The following PPFIA1 variants were observed in gnomAD, a reference collection of about 807,000 sequenced individuals.
PPFIA1 encodes the protein PPFI scaffold protein A1, also known as liprin-alpha-1.
Under a neutral mutation model 149.9 loss-of-function variants are expected in PPFIA1, and 25 were observed. That is an observed-to-expected ratio of 0.17 (90% CI 0.12 to 0.23). The LOEUF (loss-of-function observed/expected upper bound fraction) is 0.23. Among genes scored for constraint, PPFIA1 ranks in the 10% least tolerant of loss-of-function variants. The pLI is 1.00. For missense variants in PPFIA1, 1,362 were observed against 1,506.5 expected, an observed-to-expected ratio of 0.90 and a Z score of 1.59; for synonymous variants, 549 against 552.8, an observed-to-expected ratio of 0.99 and a Z score of 0.10.
intron 17 of PPFIA1, 102 bp from the exon 18 acceptor site, chr11:70,355,537 G>A (rs2056315192): frequency 2.7e-6 from 3 of 1,123,536 alleles, no homozygotes; most frequent in South Asian, 1.6e-5. Flanking sequence ...AGGAAGATGT[G>A]TGTGAAAGAG....
At chr11:70,278,474 A>G (rs780479482) in intron 2 of PPFIA1, among the ~76,000 whole-genome samples, 1 of 151,994 alleles carries the variant, frequency 6.6e-6, no homozygotes, top group East Asian at 1.9e-4. Flanking sequence ...TTTTGGTGTT[A>G]TTGTTGTCCC....
Position 70,374,509 on chromosome 11 carries a change from ATAT to A in PPFIA1, c.3140-402_3140-400del, listed in dbSNP as rs527682573. 3.5e-3 allele frequency: 555 copies of A among 160,064 alleles called. 2 individuals carry two copies. Among genetic ancestry groups the A allele is most frequent in the Non-Finnish European group, 5.8e-3 (423 of 73,464 alleles). The allele number at this position is 160,064 out of a possible 1,614,324, so 9.9% of individuals were successfully genotyped here. ...TTCTGTTGAATTGAGCAAAGTGTTCATATTATTATGGAGCCAGCTCCATCCGTG... is the reference window on the plus strand; with the variant it reads ...TTCTGTTGAATTGAGCAAAGTGTTCATATTATGGAGCCAGCTCCATCCGTG... On this transcript the variant is annotated intron_variant, in intron 23 of 27. Transcript: ENST00000253925.
intron 15 of PPFIA1, among the ~76,000 whole-genome samples, chr11:70,346,343 G>A (rs1227908885): frequency 6.6e-6 from 1 of 152,142 alleles, no homozygotes; most frequent in Non-Finnish European, 1.5e-5. Flanking sequence ...TTACGTGGGT[G>A]GAGGTGCCAG....
At chr11:70,326,572 A>T (rs767078891) in intron 6 of PPFIA1, 25 bp from the exon 7 acceptor site, 48 of 1,561,066 alleles carry the variant, frequency 3.1e-5, no homozygotes, top group Non-Finnish European at 3.8e-5. Flanking sequence ...AAGGGTATTT[A>T]AGGATTTTTT....
intron 2 of PPFIA1, among the ~76,000 whole-genome samples, chr11:70,319,357 A>G (rs1329277251): frequency 6.6e-6 from 1 of 152,196 alleles, no homozygotes; most frequent in Admixed American, 6.5e-5. Flanking sequence ...ACCTTCTCAC[A>G]GGCTGTTCTG....
intron 16 of PPFIA1, among the ~76,000 whole-genome samples, chr11:70,352,320 G>C (rs1201540887): frequency 6.6e-6 from 1 of 152,196 alleles, no homozygotes; most frequent in African/African-American, 2.4e-5. Context: ...GGCTGTCTGT[G>C]GTGAGATAAG....
chr11:70,340,662 A>G (rs1191797030), intron 14 of PPFIA1, among the ~76,000 whole-genome samples: 1 of 152,110 alleles, frequency 6.6e-6, no homozygotes, highest in African/African-American at 2.4e-5. Context: ...ATAAAACAGG[A>G]AGAATGCCTG....
At chr11:70,349,899 C>T (rs1461189507) in intron 16 of PPFIA1, 1 of 455,552 alleles carries the variant, frequency 2.2e-6, no homozygotes. Context: ...GATTTCCTGT[C>T]ATCCTTTTGT....
chr11:70,277,793 A>G (rs1015195112), intron 2 of PPFIA1, among the ~76,000 whole-genome samples: 2 of 150,870 alleles, frequency 1.3e-5, no homozygotes, highest in African/African-American at 4.9e-5. Flanking sequence ...CCCAGCCTAT[A>G]TTTCTTTTCC....
chr11:70,324,321 G>C, intron 2 of PPFIA1, 81 bp from the exon 3 acceptor site: 1 of 1,057,442 alleles, frequency 9.5e-7, no homozygotes. Flanking sequence ...TTGCCTTTGT[G>C]TGAAGACTGT....
At chr11:70,351,442 G>A (rs1376614589) in intron 16 of PPFIA1, among the ~76,000 whole-genome samples, 12 of 152,192 alleles carry the variant, frequency 7.9e-5, no homozygotes, top group Admixed American at 7.9e-4. Context: ...TCTGGTATAG[G>A]CTGAGTGTCC....
Position 70,333,449 on chromosome 11 carries a change from G to T in PPFIA1, c.1213-21G>T, listed in dbSNP as rs372742529. The T allele has an allele frequency of 4.4e-6, 7 of 1,587,590 alleles. No homozygotes were observed. The Admixed American group carries it at 1.2e-4, about 27-fold the overall frequency. Reference sequence around the variant, plus strand: ...AATGAAGTGTAAGGATGACGTCAGCGTACGCTGTTTCTGCTGACAGGCTGA... The same window carrying T: ...AATGAAGTGTAAGGATGACGTCAGCTTACGCTGTTTCTGCTGACAGGCTGA... On this transcript the variant is annotated intron_variant, in intron 9 of 27. Transcript: ENST00000253925.
At chr11:70,347,115 G>T (rs1348916021) in intron 15 of PPFIA1, among the ~76,000 whole-genome samples, 1 of 152,110 alleles carries the variant, frequency 6.6e-6, no homozygotes, top group Non-Finnish European at 1.5e-5. Flanking sequence ...TAAGTGTTGG[G>T]AAACTCCTAA....
intron 2 of PPFIA1, among the ~76,000 whole-genome samples, chr11:70,288,889 C>T (rs585796): frequency 0.024 from 3,582 of 151,896 alleles, 55 homozygotes; most frequent in African/African-American, 0.036. Flanking sequence ...AGCCCTGGTT[C>T]CCTTTAGTGG....
chr11:70,277,666 T>C (rs2050494157), intron 2 of PPFIA1, among the ~76,000 whole-genome samples: 1 of 152,058 alleles, frequency 6.6e-6, no homozygotes, highest in Non-Finnish European at 1.5e-5. Context: ...AATTGTTGTA[T>C]TTTTAGTAGA....
rs1269221095 is a variant in PPFIA1, at chr11:70,348,311, C to T, written c.2054C>T (p.Pro685Leu). 6.2e-7 allele frequency: 1 copy of T among 1,614,196 alleles called. No individual in the cohort carries two copies. Among genetic ancestry groups the T allele is most frequent in the Non-Finnish European group, 8.5e-7 (1 of 1,180,024 alleles). The change falls in exon 16 of 28, where the codon CCT becomes CTT. Residue 685 changes from proline to leucine, a missense_variant. Physicochemically the swap from Pro to Leu is moderately conservative, Grantham distance 98. Coordinates refer to ENST00000253925, the MANE Select transcript of PPFIA1 (RefSeq NM_003626.5). ...TCAATGAGCTCCATTCCCCCCTACC[C>T]TGCTTCCTCGCTTGCTAGCTCCTCC... ...FRSMSSIPPY[P>L]ASSLASSSPP...
intron 2 of PPFIA1, among the ~76,000 whole-genome samples, chr11:70,280,687 C>T (rs2050708808): frequency 6.6e-6 from 1 of 152,172 alleles, no homozygotes; most frequent in African/African-American, 2.4e-5. Context: ...TCTGCCTCAG[C>T]CTTCTGAGTA....
At chr11:70,294,351 C>T (rs1390318173) in intron 2 of PPFIA1, among the ~76,000 whole-genome samples, 1 of 151,952 alleles carries the variant, frequency 6.6e-6, no homozygotes. Flanking sequence ...TGGAAGTTGG[C>T]GAGGGTCAAA....
At chr11:70,369,895 C>T (rs2057140424) in intron 21 of PPFIA1, among the ~76,000 whole-genome samples, 1 of 151,826 alleles carries the variant, frequency 6.6e-6, no homozygotes, top group African/African-American at 2.4e-5. Flanking sequence ...CTTCAGCCTC[C>T]TGAGTAGCTG....
Sources: gnomAD v4.1 joint callset for allele counts (sites outside exome capture counted in the v4.1 genomes callset) on GRCh38, gnomAD v4.1.1 for gene constraint, MANE v1.5 for transcripts, NCBI Gene and HGNC (gene_info 2026-07-23, HGNC 2026-07-21) for gene names.